WDR7: variants seen among roughly 807,000 people sequenced by gnomAD.
The protein encoded by WDR7 is WD repeat domain 7, also known as WD repeat-containing protein 7.
A neutral mutation model predicts 169.4 loss-of-function variants in WDR7; 46 were observed. The observed-to-expected ratio is 0.27, with a 90% CI of 0.21 to 0.35. The LOEUF (loss-of-function observed/expected upper bound fraction) is 0.35. WDR7 is among the 10% of genes least tolerant of loss of function. WDR7 has a pLI of 1.00. For synonymous variants in WDR7, 612 were observed against 666.8 expected (o/e 0.92, Z 1.27); for missense variants, 1,534 against 1,859.3 (o/e 0.83, Z 3.22).
intron 21 of WDR7, among the ~76,000 whole-genome samples, chr18:56,888,988 G>C (rs756922358): frequency 2.0e-5 from 3 of 152,190 alleles, no homozygotes; most frequent in Non-Finnish European, 4.4e-5. Context: ...CTGAATTAGG[G>C]ATCAGGGCTC....
chr18:56,976,430 A>G (rs2047567033), intron 26 of WDR7, among the ~76,000 whole-genome samples: 1 of 152,214 alleles, frequency 6.6e-6, no homozygotes, highest in Non-Finnish European at 1.5e-5. Context: ...GAAAGATTTA[A>G]TAATTAGGGC....
intron 14 of WDR7, among the ~76,000 whole-genome samples, chr18:56,735,026 G>A (rs2026669250): frequency 6.6e-6 from 1 of 152,158 alleles, no homozygotes; most frequent in African/African-American, 2.4e-5. Context: ...GTGCTGACAT[G>A]ATGCTGAATA....
Position 57,027,396 on chromosome 18 carries a change from C to A in WDR7, c.*189C>A. Reference sequence around the variant, plus strand: ...AACCCGCTCGTGCCATCTGTCGATTCAGAGGCACGCACACATGCTCTGCAG... The same window carrying A: ...AACCCGCTCGTGCCATCTGTCGATTAAGAGGCACGCACACATGCTCTGCAG... On this transcript the variant is annotated 3_prime_UTR_variant, in exon 28 of 28. Transcript: ENST00000254442. 1.5e-6 allele frequency: 1 copy of A among 672,560 alleles called. No homozygotes were observed. Among genetic ancestry groups the A allele is most frequent in the South Asian group, 1.9e-5 (1 of 52,094 alleles). The allele number at this position is 672,560 out of a possible 1,614,324, so 41.7% of individuals were successfully genotyped here.
At chr18:56,808,392 T>G (rs890888599) in intron 19 of WDR7, among the ~76,000 whole-genome samples, 1 of 152,166 alleles carries the variant, frequency 6.6e-6, no homozygotes, top group African/African-American at 2.4e-5. Context: ...CTGCCATTCT[T>G]TTGGATCTAT....
At chr18:56,932,884 T>G (rs988632230) in intron 22 of WDR7, among the ~76,000 whole-genome samples, 34 of 129,820 alleles carry the variant, frequency 2.6e-4, no homozygotes, top group African/African-American at 1.5e-3. Flanking sequence ...GGTGTGTGTG[T>G]GTGTGTGTGT....
chr18:56,993,102 T>C (rs1657422), intron 26 of WDR7, among the ~76,000 whole-genome samples: 34,037 of 152,132 alleles, frequency 0.22, 4,234 homozygotes, highest in Middle Eastern at 0.35. Flanking sequence ...GACAAATAGT[T>C]TAGATGAAAT....
chr18:56,946,719 A>G (rs2047108116), intron 25 of WDR7, among the ~76,000 whole-genome samples: 1 of 152,224 alleles, frequency 6.6e-6, no homozygotes, highest in South Asian at 2.1e-4. Flanking sequence ...AAGTACATAT[A>G]TGTGTGTGTG....
intron 14 of WDR7, among the ~76,000 whole-genome samples, chr18:56,752,880 G>A (rs982113595): frequency 6.6e-6 from 1 of 152,122 alleles, no homozygotes; most frequent in Non-Finnish European, 1.5e-5. Context: ...GAGAGATTCC[G>A]GAGGGAGCAT....
intron 16 of WDR7, among the ~76,000 whole-genome samples, chr18:56,771,757 C>T (rs1230729721): frequency 6.6e-6 from 1 of 151,702 alleles, no homozygotes; most frequent in African/African-American, 2.4e-5. Context: ...TGGTGCGCAC[C>T]TATGATCCCA....
intron 19 of WDR7, among the ~76,000 whole-genome samples, chr18:56,792,085 A>T (rs1599047022): frequency 1.3e-5 from 2 of 151,956 alleles, no homozygotes; most frequent in African/African-American, 4.8e-5. Flanking sequence ...TGGCACGATC[A>T]CGGCTGACTG....
intron 26 of WDR7, among the ~76,000 whole-genome samples, chr18:56,968,919 A>T (rs75048394): frequency 0.065 from 9,923 of 152,214 alleles, 334 homozygotes; most frequent in African/African-American, 0.084. Context: ...TTATCACTCT[A>T]CTGCCCAGGA....
At chr18:56,732,701 C>T (rs897617404) in intron 14 of WDR7, among the ~76,000 whole-genome samples, 3 of 152,154 alleles carry the variant, frequency 2.0e-5, no homozygotes, top group Admixed American at 2.0e-4. Context: ...TACATTTTTC[C>T]TCTGTGCTTT....
intron 14 of WDR7, among the ~76,000 whole-genome samples, chr18:56,745,787 A>C (rs1241025442): frequency 6.6e-6 from 1 of 152,212 alleles, no homozygotes; most frequent in Non-Finnish European, 1.5e-5. Context: ...CATAATGAGC[A>C]AAAGTAACCT....
rs185473846 is a variant in WDR7, at chr18:56,747,896, C to T, written c.1990-8687C>T. On this transcript the variant is annotated intron_variant, in intron 14 of 27. Transcript: ENST00000254442. ...CACAGTGACCCAAGGTTGATTAGGG[C>T]AGTTTTTTTTTTCTTCTTTTCATTT... Among the ~76,000 whole-genome samples, 442 of 152,066 alleles carry T rather than the reference C, an allele frequency of 2.9e-3. 3 individuals are homozygous for T. The East Asian group carries it at 0.032, about 11-fold the overall frequency.
At chr18:56,875,336 C>T (rs1038779234) in intron 20 of WDR7, among the ~76,000 whole-genome samples, 1 of 152,206 alleles carries the variant, frequency 6.6e-6, no homozygotes, top group Non-Finnish European at 1.5e-5. Context: ...ACCAAATCCA[C>T]TGTAATCTCT....
At chr18:56,691,569 A>G in intron 8 of WDR7, 146 bp from the exon 9 acceptor site, 1 of 888,618 alleles carries the variant, frequency 1.1e-6, no homozygotes. Context: ...ATATTTTTAT[A>G]ACATTATTTA....
At chr18:56,671,534 G>C (rs1297437320) in intron 1 of WDR7, among the ~76,000 whole-genome samples, 1 of 152,164 alleles carries the variant, frequency 6.6e-6, no homozygotes, top group Non-Finnish European at 1.5e-5. Flanking sequence ...GCCTCCCAAA[G>C]TGCTGGGATT....
intron 21 of WDR7, among the ~76,000 whole-genome samples, chr18:56,897,906 T>G (rs1354197864): frequency 6.6e-6 from 1 of 151,976 alleles, no homozygotes. Flanking sequence ...TATACCTTGA[T>G]TGGTGTGGAG....
chr18:56,717,847 TG>T, intron 12 of WDR7, 116 bp from the exon 13 acceptor site: 1 of 897,410 alleles, frequency 1.1e-6, no homozygotes, highest in Non-Finnish European at 1.6e-6. Flanking sequence ...CCTAATATTG[TG>T]GTGGTTTTTC....
Sources: allele counts gnomAD v4.1 joint callset (sites outside exome capture counted in the v4.1 genomes callset), GRCh38; gene constraint gnomAD v4.1.1; transcripts MANE v1.5; gene names NCBI Gene and HGNC (gene_info 2026-07-23, HGNC 2026-07-21).